Variants in LRRC51 observed in about 807,000 individuals in gnomAD.
LRRC51 encodes the protein leucine-rich repeat-containing protein 51.
In LRRC51, 8 loss-of-function variants were observed where a neutral mutation model predicts 17.8. That is an observed-to-expected ratio of 0.45 (90% confidence interval 0.26 to 0.81). The LOEUF is 0.81. Among genes scored for constraint, LRRC51 ranks in the 30% least tolerant of loss-of-function variants. The pLI is 0.17. For missense variants in LRRC51, 233 were observed against 239.3 expected (o/e 0.97, Z 0.17); for synonymous variants, 92 against 96.0 (o/e 0.96, Z 0.24).
chr11:72,094,704 G>A, intron 4 of LRRC51: 1 of 757,136 alleles, frequency 1.3e-6, no homozygotes, highest in Non-Finnish European at 2.3e-6. Flanking sequence ...GCAAGTCAGT[G>A]GCAGTGCTGG....
intron 1 of LRRC51, among the ~76,000 whole-genome samples, chr11:72,084,996 A>G (rs985457691): frequency 6.6e-6 from 1 of 151,712 alleles, no homozygotes; most frequent in African/African-American, 2.4e-5. Context: ...ACTTCTTGTC[A>G]TTTCACTTTA....
chr11:72,083,655 T>C (rs753619347), intron 1 of LRRC51: 12 of 152,164 alleles, frequency 7.9e-5, no homozygotes, highest in African/African-American at 2.7e-4. Context: ...AGTGCTACCA[T>C]GGCAATCATA....
In LRRC51 at chr11:72,090,034, C is replaced by T. The variant is rs916067739; in HGVS notation, c.82+869C>T. 9.8e-5 allele frequency among the ~76,000 whole-genome samples: 15 copies of T among 152,314 alleles called. No homozygotes were observed. The East Asian group carries it at 1.2e-3, about 12-fold the overall frequency. Reference sequence around the variant, plus strand: ...TATTTGGCTTTAGTCTTCTCTCAGGCAACTGGTAGCCACTGCCTTTAAGCT... The same window carrying T: ...TATTTGGCTTTAGTCTTCTCTCAGGTAACTGGTAGCCACTGCCTTTAAGCT... On this transcript the variant is annotated intron_variant, in intron 3 of 5. Transcript: ENST00000289488.
intron 4 of LRRC51, 135 bp from the exon 5 acceptor site, chr11:72,094,813 A>G: frequency 6.7e-7 from 1 of 1,487,204 alleles, no homozygotes. Flanking sequence ...ACAGTCATAC[A>G]GTATGGCTGT....
intron 3 of LRRC51, among the ~76,000 whole-genome samples, chr11:72,090,875 T>C (rs1328953688): frequency 6.6e-6 from 1 of 152,228 alleles, no homozygotes; most frequent in Non-Finnish European, 1.5e-5. Context: ...TTCTGACACA[T>C]GGCAAGAGCT....
intron 3 of LRRC51, among the ~76,000 whole-genome samples, chr11:72,090,485 A>ATGTGTG (rs112818423): frequency 6.6e-6 from 1 of 151,308 alleles, no homozygotes; most frequent in South Asian, 2.1e-4. Context: ...GCATTTATAT[A>ATGTGTG]TGTGTGTGTG....
At chr11:72,085,083 C>T (rs988121171) in intron 1 of LRRC51, among the ~76,000 whole-genome samples, 17 of 152,192 alleles carry the variant, frequency 1.1e-4, no homozygotes, top group African/African-American at 4.1e-4. Context: ...TGAGAAATTC[C>T]AGTTCCGAAA....
In LRRC51 at chr11:72,095,611, CACTT is replaced by C. The variant is rs1368062769; in HGVS notation, c.*94_*97del. The C allele has an allele frequency of 1.3e-6, 2 of 1,557,950 alleles. No homozygotes were observed. The highest frequency in any genetic ancestry group is 1.7e-6 in the Non-Finnish European group (2 of 1,150,802). ...TTGAGCTGTTGAGCAGATGAGAAGT[CACTT>C]ACACCTTGTAGAGATGTTCTCTAAC... On this transcript the variant is annotated 3_prime_UTR_variant, in exon 6 of 6. Transcript: ENST00000289488.
chr11:72,093,654 C>G lies in LRRC51; in HGVS notation c.241C>G (p.Leu81Val). Residue 81 changes from leucine (L) to valine (V), a missense_variant, in exon 4 of 6, where the codon CTG becomes GTG. Coordinates refer to ENST00000289488, the MANE Select transcript of LRRC51 (RefSeq NM_145309.6). ...ACAGCTGTTGGAGCACCCAGAGAACCTGGCCTGGATCGACCTGTCCTTTAA... is the reference window on the plus strand; with the variant it reads ...ACAGCTGTTGGAGCACCCAGAGAACGTGGCCTGGATCGACCTGTCCTTTAA... The part of the protein sequence containing the change: ...ASQLLEHPEN[L>V]AWIDLSFNDL... The G allele has an allele frequency of 6.2e-7, 1 of 1,614,188 alleles. No individual in the cohort carries two copies. The highest frequency in any genetic ancestry group is 1.1e-5 in the South Asian group (1 of 91,088).
intron 1 of LRRC51, among the ~76,000 whole-genome samples, chr11:72,084,850 A>G (rs1420415311): frequency 2.0e-5 from 3 of 148,276 alleles, no homozygotes; most frequent in African/African-American, 7.6e-5. Context: ...AAAAAAAAAA[A>G]AAAAGAAAAC....
intron 2 of LRRC51, 120 bp from the exon 3 acceptor site, chr11:72,088,909 A>T: frequency 8.4e-7 from 1 of 1,195,844 alleles, no homozygotes; most frequent in Non-Finnish European, 1.2e-6. Context: ...TTCATATCTT[A>T]AAATGGAAAT....
rs1434220841 is a variant in LRRC51, at chr11:72,095,038, CCTCGG to C, written c.383_387del (p.Arg128ProfsTer2). 1.7e-5 allele frequency: 27 copies of C among 1,613,926 alleles called. No individual in the cohort carries two copies. Among genetic ancestry groups the C allele is most frequent in the Admixed American group, 5.0e-5 (3 of 60,002 alleles). On this transcript the variant is annotated frameshift_variant, in exon 5 of 6. Coordinates refer to ENST00000289488, the MANE Select transcript of LRRC51 (RefSeq NM_145309.6). LOFTEE classifies it high-confidence loss of function. ...GGAGGTGAATAAGCTGGCTGTCCTT[CCTCGG>C]CTCCGTAGCCTGACACTCCATGGGA...
At chr11:72,088,691 G>A (rs1944681381) in intron 2 of LRRC51, 1 of 523,938 alleles carries the variant, frequency 1.9e-6, no homozygotes, top group Non-Finnish European at 3.4e-6. Context: ...CTCAGAGTAG[G>A]ATTCAGGAGA....
intron 4 of LRRC51, 21 bp from the exon 5 acceptor site, chr11:72,094,927 T>G: frequency 6.2e-7 from 1 of 1,614,080 alleles, no homozygotes; most frequent in Non-Finnish European, 8.5e-7. Flanking sequence ...TAGCCTGGCT[T>G]TTGGTTTCCC....
In LRRC51 at chr11:72,095,817, C is replaced by T. The variant is rs1382484367; in HGVS notation, c.*297C>T. ...CCTCCCCAGTAGCTGTGATTAAAGG[C>T]GCCTGCCACCATGACTGGCTAATTT... On this transcript the variant is annotated 3_prime_UTR_variant, in exon 6 of 6. Coordinates refer to ENST00000289488, the MANE Select transcript of LRRC51 (RefSeq NM_145309.6). The T allele has an allele frequency of 6.2e-6, 3 of 481,280 alleles. No individual in the cohort carries two copies. Among genetic ancestry groups the T allele is most frequent in the South Asian group, 2.1e-5 (1 of 47,640 alleles). 29.8% of individuals were successfully genotyped at this position (481,280 alleles called of 1,614,324 possible).
intron 3 of LRRC51, among the ~76,000 whole-genome samples, chr11:72,090,626 AAGGG>A (rs1944803563): frequency 6.6e-6 from 1 of 152,176 alleles, no homozygotes; most frequent in Non-Finnish European, 1.5e-5. Flanking sequence ...AGCTGGGGTT[AAGGG>A]ATACAATAGA....
chr11:72,092,338 C>T (rs142642921), intron 3 of LRRC51, among the ~76,000 whole-genome samples: 12 of 152,312 alleles, frequency 7.9e-5, no homozygotes, highest in African/African-American at 2.9e-4. Flanking sequence ...TTCTGTAATT[C>T]CTTACCAGTT....
chr11:72,089,518 T>C (rs1944737058), intron 3 of LRRC51: 1 of 1,251,212 alleles, frequency 8.0e-7, no homozygotes, highest in African/African-American at 1.6e-5. Context: ...GGGAAGCCAG[T>C]CTATCAGCCA....
chr11:72,086,734 G>C (rs1164248473), intron 1 of LRRC51, among the ~76,000 whole-genome samples: 1 of 111,452 alleles, frequency 9.0e-6, no homozygotes, highest in African/African-American at 3.5e-5. Flanking sequence ...AAGTCTTTAG[G>C]AACTGCACTG....
Sources: allele counts gnomAD v4.1 joint callset (sites outside exome capture counted in the v4.1 genomes callset), GRCh38; gene constraint gnomAD v4.1.1; transcripts MANE v1.5; gene names NCBI Gene and HGNC (gene_info 2026-07-23, HGNC 2026-07-21).